Variants in TPR observed in about 807,000 individuals in gnomAD.
The protein encoded by TPR is translocated promoter region, nuclear basket protein.
A neutral mutation model predicts 316.1 loss-of-function variants in TPR; 51 were observed. The ratio of observed to expected loss-of-function variants is 0.16; its 90% CI spans 0.13 to 0.20. The LOEUF (loss-of-function observed/expected upper bound fraction) is 0.20. Ranked by LOEUF, TPR falls within the 10% of genes least tolerant of loss-of-function variation. The probability of loss-of-function intolerance (pLI) is 1.00; values close to 1 mark genes in which losing one functional copy is unlikely to be tolerated. For synonymous variants in TPR, 981 were observed against 914.7 expected (o/e 1.07, Z -1.31); for missense variants, 2,272 against 2,754.8 (o/e 0.82, Z 3.92).
chr1:186,314,059 T>C (rs367625951), intron 50 of TPR, 33 bp from the exon 51 acceptor site: 506 of 1,593,888 alleles, frequency 3.2e-4, no homozygotes, highest in Non-Finnish European at 4.0e-4. Context: ...ATTGAATATA[T>C]CTTTTAAGAA....
intron 38 of TPR, among the ~76,000 whole-genome samples, chr1:186,331,918 G>A (rs3736597): frequency 2.0e-5 from 3 of 152,014 alleles, no homozygotes; most frequent in Admixed American, 2.0e-4. Flanking sequence ...ATGTCCATGA[G>A]ACTTAGAAAC....
Position 186,337,003 on chromosome 1 carries a change from A to T in TPR, c.4506+10T>A. Reference sequence around the variant, plus strand: ...AAAGAATTAGGAACAGACTGTTCTCACACTCATACCTTCTGCAGATTCTCT... The same window carrying T: ...AAAGAATTAGGAACAGACTGTTCTCTCACTCATACCTTCTGCAGATTCTCT... On this transcript the variant is annotated intron_variant, in intron 32 of 50. Coordinates refer to ENST00000367478, the MANE Select transcript of TPR (RefSeq NM_003292.3). 1 of 1,613,660 alleles carries T rather than the reference A, an allele frequency of 6.2e-7. No homozygotes were observed. Among genetic ancestry groups the T allele is most frequent in the Non-Finnish European group, 8.5e-7 (1 of 1,179,708 alleles).
intron 42 of TPR, among the ~76,000 whole-genome samples, chr1:186,324,590 C>CTACTTA (rs1167118042): frequency 6.6e-6 from 1 of 152,152 alleles, no homozygotes; most frequent in African/African-American, 2.4e-5. Context: ...AGCTACTTAG[C>CTACTTA]TACTTAGTAA....
Position 186,345,716 on chromosome 1 carries a change from T to C in TPR, c.3097-20A>G, listed in dbSNP as rs368429255. The C allele has an allele frequency of 6.5e-7, 1 of 1,543,094 alleles. No individual in the cohort carries two copies. The highest frequency in any genetic ancestry group is 8.9e-7 in the Non-Finnish European group (1 of 1,119,418). Reference sequence around the variant, plus strand: ...AGATAACTAAGCAGAAAGAACAAGATTAAAACCAAAATTAATTGCAAACTT... The same window carrying C: ...AGATAACTAAGCAGAAAGAACAAGACTAAAACCAAAATTAATTGCAAACTT... On this transcript the variant is annotated intron_variant, in intron 23 of 50. Coordinates refer to ENST00000367478, the MANE Select transcript of TPR (RefSeq NM_003292.3).
intron 12 of TPR, among the ~76,000 whole-genome samples, chr1:186,359,589 A>G (rs919828927): frequency 6.6e-6 from 1 of 152,096 alleles, no homozygotes; most frequent in Non-Finnish European, 1.5e-5. Context: ...AAATGCTTTC[A>G]CAATTTTATA....
rs1658655833 is a variant in TPR at position 186,345,701 on chromosome 1, G to A, written c.3097-5C>T. ...TGTTTTCTTCAATTCAGATAACTAA[G>A]CAGAAAGAACAAGATTAAAACCAAA... On this transcript the variant is annotated splice_polypyrimidine_tract_variant and splice_region_variant and intron_variant, in intron 23 of 50. Transcript: ENST00000367478. The A allele has an allele frequency of 1.3e-6, 2 of 1,594,150 alleles. No homozygotes were observed. The highest frequency in any genetic ancestry group is 1.7e-6 in the Non-Finnish European group (2 of 1,164,136).
chr1:186,315,986 A>G (rs1032074803), intron 49 of TPR, among the ~76,000 whole-genome samples: 3 of 151,132 alleles, frequency 2.0e-5, no homozygotes, highest in African/African-American at 7.3e-5. Context: ...ACACTGTCAA[A>G]TATTTGTTGA....
At chr1:186,343,883 G>T (rs1220400513) in intron 26 of TPR, 23 bp downstream of exon 26, 1 of 1,586,634 alleles carries the variant, frequency 6.3e-7, no homozygotes, top group Non-Finnish European at 8.6e-7. Flanking sequence ...CCACAGAAAT[G>T]AAGCAGTAAG....
Position 186,374,984 on chromosome 1 carries a change from G to A in TPR, c.45C>T (p.Asn15=). ...TGTTCTGGACAGACTTGGGCAGCTT[G>A]TTCAGCTCCGTGCGCTCCAGGACTT... ...LQQVLERTEL[N]KLPKSVQNKL... is the part of the protein sequence containing the mutation. The change falls in exon 1 of 51, where the codon AAC becomes AAT. Residue 15 remains asparagine, a synonymous_variant. Transcript: ENST00000367478. The A allele has an allele frequency of 6.2e-7, 1 of 1,614,156 alleles. No individual in the cohort carries two copies. The highest frequency in any genetic ancestry group is 8.5e-7 in the Non-Finnish European group (1 of 1,180,030).
chr1:186,361,990 C>G, intron 7 of TPR, 121 bp from the exon 8 acceptor site: 1 of 836,536 alleles, frequency 1.2e-6, no homozygotes, highest in South Asian at 1.9e-5. Context: ...CACTCAAATT[C>G]AAATCAGTCT....
In TPR at chr1:186,318,503, A is replaced by C. The variant is rs557941620; in HGVS notation, c.6765T>G (p.Asn2255Lys). 1.9e-6 allele frequency: 3 copies of C among 1,614,014 alleles called. No individual in the cohort carries two copies. In the South Asian group the frequency reaches 3.3e-5, roughly 18 times the overall value. The change falls in exon 48 of 51, where the codon AAT becomes AAG. Residue 2255 changes from asparagine (N) to lysine (K), a missense_variant. Around this residue, in one of 10 missense-constraint regions of TPR, gnomAD observed 123 missense variants for 142.3 expected, o/e 0.86. Coordinates refer to ENST00000367478, the MANE Select transcript of TPR (RefSeq NM_003292.3). ...TTSTGTLSTT[N>K]ETATGDDGDE... ...CTCCATCATCACCTGTTGCTGTTTC[A>C]TTTGTTGTAGATAAAGTGCCAGTGG...
chr1:186,322,811 C>T (rs1405404235), intron 43 of TPR: 3 of 385,022 alleles, frequency 7.8e-6, no homozygotes, highest in African/African-American at 6.1e-5. Flanking sequence ...TATTAACCAA[C>T]AGACCAATTA....
chr1:186,336,208 T>A (rs1215226544), intron 33 of TPR, among the ~76,000 whole-genome samples: 1 of 152,156 alleles, frequency 6.6e-6, no homozygotes, highest in Non-Finnish European at 1.5e-5. Flanking sequence ...AAAGGATCTC[T>A]GTCACAAGAT....
rs1425727950 is a variant in TPR, at chr1:186,311,972, C to G, written c.*1999G>C. The G allele has an allele frequency of 1.8e-6, 1 of 569,734 alleles. No homozygotes were observed. Among genetic ancestry groups the G allele is most frequent in the East Asian group, 3.0e-5 (1 of 33,864 alleles). 35.3% of individuals were successfully genotyped at this position (569,734 alleles called of 1,614,324 possible). A position where few individuals can be genotyped will look rare whatever the true frequency, so the allele number is the denominator to read the frequency against. On this transcript the variant is annotated 3_prime_UTR_variant, in exon 51 of 51. Coordinates refer to ENST00000367478, the MANE Select transcript of TPR (RefSeq NM_003292.3). ...ATTAAATATATAACTATGTAATTTG[C>G]TGCATCTATTCATTCAACAAGTATT...
At chr1:186,364,663 G>A (rs148732257) in intron 4 of TPR, among the ~76,000 whole-genome samples, 24 of 152,232 alleles carry the variant, frequency 1.6e-4, no homozygotes, top group African/African-American at 5.8e-4. Context: ...AGAAAGGTTT[G>A]ACTTATAAAA....
rs201003156 is a variant in TPR, at chr1:186,350,293, G to A, written c.2706C>T (p.Ala902=). 1.2e-6 allele frequency: 2 copies of A among 1,613,668 alleles called. No homozygotes were observed. Among genetic ancestry groups the A allele is most frequent in the Non-Finnish European group, 1.7e-6 (2 of 1,179,854 alleles). ...TATTACTGAGGTGCTGTTTCAATGT[G>A]GCAATTTCTTTTTGAGCATTTTTTA... ...ELLKNAQKEI[A]TLKQHLSNME... is the part of the protein sequence containing the mutation. Residue 902 remains alanine, a synonymous_variant, in exon 21 of 51, where the codon GCC becomes GCT. Coordinates refer to ENST00000367478, the MANE Select transcript of TPR (RefSeq NM_003292.3).
Position 186,313,647 on chromosome 1 carries a change from T to C in TPR, c.*324A>G. 7.4e-7 allele frequency: 1 copy of C among 1,344,970 alleles called. No homozygotes were observed. Among genetic ancestry groups the C allele is most frequent in the Non-Finnish European group, 1.1e-6 (1 of 935,058 alleles). The allele number at this position is 1,344,970 out of a possible 1,614,324, so 83.3% of individuals were successfully genotyped here. ...TTTTTTAGTTTGGGCATTGTTTTCT[T>C]TTTAACTAAAAAAATGTTTTCTCTT... On this transcript the variant is annotated 3_prime_UTR_variant, in exon 51 of 51. Coordinates refer to ENST00000367478, the MANE Select transcript of TPR (RefSeq NM_003292.3).
At chr1:186,334,641 G>C in intron 35 of TPR, 108 bp from the exon 36 acceptor site, 3 of 1,173,636 alleles carry the variant, frequency 2.6e-6, no homozygotes, top group South Asian at 3.2e-5. Context: ...AAATATTTCA[G>C]AGCCTTATTA....
chr1:186,326,280 C>A lies in TPR; in HGVS notation c.5890-45G>T, dbSNP rs1488070579. The A allele has an allele frequency of 6.4e-6, 10 of 1,558,298 alleles. 1 individual carries two copies. The highest frequency in any genetic ancestry group is 1.7e-4 in the Middle Eastern group (1 of 5,986). ...GCATAAATAAAAGTTTAGAATATGG[C>A]CCACATGCTCTGCATGTCTAGATAC... On this transcript the variant is annotated intron_variant, in intron 40 of 50. Transcript: ENST00000367478.
Sources: gnomAD v4.1 joint callset for allele counts (sites outside exome capture counted in the v4.1 genomes callset) on GRCh38, gnomAD v4.1.1 for gene constraint, gnomAD v4.1.1 regional missense constraint, MANE v1.5 for transcripts, NCBI Gene and HGNC (gene_info 2026-07-23, HGNC 2026-07-21) for gene names.